UBE2D3: variants seen among roughly 807,000 people sequenced by gnomAD.
UBE2D3 encodes the protein ubiquitin conjugating enzyme E2 D3.
A neutral mutation model predicts 22.8 loss-of-function variants in UBE2D3; 2 were observed. The ratio of observed to expected loss-of-function variants is 0.09; its 90% CI spans 0.04 to 0.28. The LOEUF is 0.28. Among genes scored for constraint, UBE2D3 ranks in the 10% least tolerant of loss-of-function variants. The probability of loss-of-function intolerance (pLI) is 1.00; values close to 1 mark genes in which losing one functional copy is unlikely to be tolerated. For synonymous variants in UBE2D3, 56 were observed against 60.4 expected (o/e 0.93, Z 0.34); for missense variants, 27 against 182.5 (o/e 0.15, Z 4.91).
At chr4:102,822,947 A>G (rs947883573) in intron 2 of UBE2D3, among the ~76,000 whole-genome samples, 1 of 152,148 alleles carries the variant, frequency 6.6e-6, no homozygotes, top group African/African-American at 2.4e-5. Flanking sequence ...AACAACAACA[A>G]AAAAAGGAAT....
intron 4 of UBE2D3, among the ~76,000 whole-genome samples, chr4:102,807,347 T>G (rs764919406): frequency 6.6e-6 from 1 of 152,222 alleles, no homozygotes; most frequent in African/African-American, 2.4e-5. Flanking sequence ...CACTCCACAG[T>G]AAGCATATAG....
chr4:102,822,609 TAACA>T (rs1729786852), intron 2 of UBE2D3, among the ~76,000 whole-genome samples: 1 of 152,138 alleles, frequency 6.6e-6, no homozygotes, highest in Admixed American at 6.5e-5. Context: ...TTATTTCAGG[TAACA>T]AACTAAAATC....
chr4:102,828,901 A>G (rs1250836153), upstream of UBE2D3, among the ~76,000 whole-genome samples: 1 of 152,232 alleles, frequency 6.6e-6, no homozygotes, highest in East Asian at 1.9e-4. Context: ...GACCAGCTTA[A>G]GGTTTTTTAA....
upstream of UBE2D3, among the ~76,000 whole-genome samples, chr4:102,831,190 TC>T (rs1560879816): frequency 6.6e-6 from 1 of 152,222 alleles, no homozygotes; most frequent in African/African-American, 2.4e-5. Context: ...TTCAGAATGC[TC>T]ATTTACATAT....
intron 4 of UBE2D3, 92 bp from the exon 5 acceptor site, chr4:102,802,730 A>G (rs959606750): frequency 1.1e-6 from 1 of 915,822 alleles, no homozygotes; most frequent in Non-Finnish European, 1.6e-6. Flanking sequence ...CTAATAATGA[A>G]CCCAAATCAC....
chr4:102,845,903 G>T (rs528716603), intron 1 of UBE2D3, among the ~76,000 whole-genome samples: 1 of 152,082 alleles, frequency 6.6e-6, no homozygotes, highest in African/African-American at 2.4e-5. Context: ...CCATTCTCTT[G>T]CCTCAGTCTC....
intron 1 of UBE2D3, chr4:102,843,341 C>G (rs373799317): frequency 3.0e-4 from 46 of 151,904 alleles, no homozygotes; most frequent in African/African-American, 1.1e-3. Context: ...TGACTTGCTA[C>G]TGGTACCTGG....
chr4:102,835,757 TAAAC>T (rs779126319), intron 1 of UBE2D3, among the ~76,000 whole-genome samples: 4 of 141,842 alleles, frequency 2.8e-5, no homozygotes, highest in African/African-American at 8.4e-5. Context: ...CATACCTAAA[TAAAC>T]AGTTTGATAA....
intron 6 of UBE2D3, among the ~76,000 whole-genome samples, chr4:102,800,974 A>G (rs564041453): frequency 6.6e-6 from 1 of 152,164 alleles, no homozygotes; most frequent in Non-Finnish European, 1.5e-5. Flanking sequence ...TTAGACTGTC[A>G]TTAGGTAGAA....
At chr4:102,848,921 CTGTG>C (rs147050383) in intron 1 of UBE2D3, among the ~76,000 whole-genome samples, 10,381 of 142,694 alleles carry the variant, frequency 0.073, 377 homozygotes, top group East Asian at 0.079. Flanking sequence ...TTATGTGTGC[CTGTG>C]TGTGTGTGTG....
intron 2 of UBE2D3, among the ~76,000 whole-genome samples, chr4:102,822,444 G>C (rs1578260864): frequency 6.6e-6 from 1 of 152,092 alleles, no homozygotes; most frequent in East Asian, 1.9e-4. Context: ...GCACATGTTA[G>C]TTTTCAGTGC....
chr4:102,828,834 C>T (rs1350212230), upstream of UBE2D3, among the ~76,000 whole-genome samples: 1 of 152,144 alleles, frequency 6.6e-6, no homozygotes, highest in Non-Finnish European at 1.5e-5. Flanking sequence ...CTAGTGTATC[C>T]TTCAGGCAAA....
At chr4:102,854,854 A>G (rs560366908) in intron 1 of UBE2D3, among the ~76,000 whole-genome samples, 2 of 152,364 alleles carry the variant, frequency 1.3e-5, no homozygotes, top group African/African-American at 4.8e-5. Context: ...AGTTAGTGTT[A>G]GGAGTAAGTT....
chr4:102,810,638 A>G (rs1727815570), intron 2 of UBE2D3: 1 of 152,104 alleles, frequency 6.6e-6, no homozygotes, highest in South Asian at 2.1e-4. Flanking sequence ...GACCCTGAAG[A>G]GCGTACTTCT....
At chr4:102,829,425 G>C (rs77171309), upstream of UBE2D3, among the ~76,000 whole-genome samples, 1 of 152,226 alleles carries the variant, frequency 6.6e-6, no homozygotes, top group Non-Finnish European at 1.5e-5. Flanking sequence ...GAGGAACCCA[G>C]ATTAGTTATT....
At chr4:102,859,396 C>G (rs77054971) in intron 1 of UBE2D3, among the ~76,000 whole-genome samples, 1,817 of 152,000 alleles carry the variant, frequency 0.012, 27 homozygotes, top group African/African-American at 0.036. Flanking sequence ...ATTTTCATAT[C>G]AGACAGGTAA....
chr4:102,842,116 G>C (rs1303322642), intron 1 of UBE2D3, among the ~76,000 whole-genome samples: 1 of 151,748 alleles, frequency 6.6e-6, no homozygotes, highest in Non-Finnish European at 1.5e-5. Flanking sequence ...CCTTCTTTGA[G>C]TTTCAAGTCC....
At chr4:102,844,185 GA>G (rs1464280900) in intron 1 of UBE2D3, 1 of 152,190 alleles carries the variant, frequency 6.6e-6, no homozygotes, top group Admixed American at 6.5e-5. Flanking sequence ...AATGTGGTAT[GA>G]ATCACCATGG....
chr4:102,821,408 A>T (rs1729590449), intron 2 of UBE2D3, among the ~76,000 whole-genome samples: 3 of 152,152 alleles, frequency 2.0e-5, no homozygotes. Flanking sequence ...CTGAACGCAG[A>T]GATTACCATA....
Sources: allele counts gnomAD v4.1 joint callset (sites outside exome capture counted in the v4.1 genomes callset), GRCh38; gene constraint gnomAD v4.1.1; transcripts MANE v1.5; gene names NCBI Gene and HGNC (gene_info 2026-07-23, HGNC 2026-07-21).